Variants in SNAI3 observed in about 807,000 individuals in gnomAD.
SNAI3 encodes snail family transcriptional repressor 3, also known as zinc finger protein SNAI3.
In SNAI3, 21 loss-of-function variants were observed where a neutral mutation model predicts 16.4. That is an observed-to-expected ratio of 1.28 (90% CI 0.91 to 1.85). The LOEUF (loss-of-function observed/expected upper bound fraction) is 1.85, where lower values mean the gene tolerates loss of function less well. SNAI3 is among the 40% of genes most tolerant of loss of function. The probability of loss-of-function intolerance (pLI) is 0.00; values close to 1 mark genes in which losing one functional copy is unlikely to be tolerated. For synonymous variants in SNAI3, 202 were observed against 166.6 expected (o/e 1.21, Z -1.64); for missense variants, 457 against 372.8 (o/e 1.23, Z -1.86).
chr16:88,686,101 G>C, intron 1 of SNAI3: 1 of 560,754 alleles, frequency 1.8e-6, no homozygotes, highest in South Asian at 2.4e-5. Flanking sequence ...TCTCCAAGTT[G>C]GGAGAGAATC....
intron 1 of SNAI3, among the ~76,000 whole-genome samples, chr16:88,682,794 G>C (rs1171672355): frequency 2.9e-5 from 1 of 34,360 alleles, no homozygotes; most frequent in South Asian, 1.1e-3. Flanking sequence ...TTTTTTTTTA[G>C]AGACGGAGTC....
At chr16:88,685,849 G>A (rs1909339450) in intron 1 of SNAI3, 3 of 155,408 alleles carry the variant, frequency 1.9e-5, no homozygotes, top group Admixed American at 1.3e-4. Context: ...GAGCCCATGT[G>A]TCCTTCTCAC....
At chr16:88,682,795 A>G (rs1425378601) in intron 1 of SNAI3, among the ~76,000 whole-genome samples, 1 of 41,438 alleles carries the variant, frequency 2.4e-5, no homozygotes, top group African/African-American at 7.6e-5. Context: ...TTTTTTTTAG[A>G]GACGGAGTCT....
intron 1 of SNAI3, among the ~76,000 whole-genome samples, chr16:88,683,226 G>A (rs1037869952): frequency 1.3e-5 from 2 of 151,530 alleles, no homozygotes; most frequent in African/African-American, 4.9e-5. Flanking sequence ...CCAAGTAGCT[G>A]GGACTACAGG....
chr16:88,681,964 C>T lies in SNAI3; in HGVS notation c.77-250G>A, dbSNP rs1197175060. Among the ~76,000 whole-genome samples the T allele has an allele frequency of 6.6e-6, 1 of 152,138 alleles. No homozygotes were observed. Among genetic ancestry groups the T allele is most frequent in the Non-Finnish European group, 1.5e-5 (1 of 68,036 alleles). ...GCGGTCTAGAGAGCGAATCTCACTT[C>T]CTCTTTAAACACAAAGAAACATCTG... On this transcript the variant is annotated intron_variant, in intron 1 of 2. Coordinates refer to ENST00000332281, the MANE Select transcript of SNAI3 (RefSeq NM_178310.4). The surrounding 1 kb of genome is among the most constrained non-coding windows in gnomAD (Gnocchi z 5.4).
intron 1 of SNAI3, 200 bp downstream of exon 1, chr16:88,686,131 C>T (rs1306321760): frequency 1.7e-6 from 1 of 596,880 alleles, no homozygotes; most frequent in Admixed American, 3.1e-5. Flanking sequence ...CTGCCGGAGG[C>T]GGGGCTCAGT....
intron 2 of SNAI3, among the ~76,000 whole-genome samples, chr16:88,680,183 C>T (rs1367810441): frequency 1.3e-5 from 2 of 151,380 alleles, no homozygotes; most frequent in South Asian, 2.1e-4. Context: ...ATTCTTTGCA[C>T]GCTGAGGTTG....
chr16:88,686,451 G>T lies in SNAI3; in HGVS notation c.-45C>A. ...GGCCGGGGTGGGCTGGGGCGGGAGGGGCGCGCCTGGGTCCGGACTGCTGCG... is the reference window on the plus strand; with the variant it reads ...GGCCGGGGTGGGCTGGGGCGGGAGGTGCGCGCCTGGGTCCGGACTGCTGCG... On this transcript the variant is annotated 5_prime_UTR_variant, in exon 1 of 3. Coordinates refer to ENST00000332281, the MANE Select transcript of SNAI3 (RefSeq NM_178310.4). 6.3e-7 allele frequency: 1 copy of T among 1,593,066 alleles called. No individual in the cohort carries two copies. Among genetic ancestry groups the T allele is most frequent in the Non-Finnish European group, 8.5e-7 (1 of 1,173,914 alleles).
intron 2 of SNAI3, among the ~76,000 whole-genome samples, chr16:88,680,258 A>G (rs1389936562): frequency 2.1e-5 from 3 of 140,650 alleles, no homozygotes; most frequent in African/African-American, 7.8e-5. Context: ...TTGTACTTTA[A>G]TGGCATTATG....
In SNAI3 at chr16:88,678,559, C is replaced by T. The variant is rs1227951286; in HGVS notation, c.768G>A (p.Leu256=). The T allele has an allele frequency of 2.4e-6, 2 of 843,490 alleles. No individual in the cohort carries two copies. Among genetic ancestry groups the T allele is most frequent in the South Asian group, 2.6e-5 (2 of 75,836 alleles). 52.3% of individuals were successfully genotyped at this position (843,490 alleles called of 1,614,324 possible). Residue 256 remains leucine (L), a synonymous_variant, in exon 3 of 3, where the codon CTG becomes CTA. Coordinates refer to ENST00000332281, the MANE Select transcript of SNAI3 (RefSeq NM_178310.4). ...FADRSNLRAH[L]QTHSDAKKYR... ...ACTTCTTGGCGTCTGAGTGCGTTTG[C>T]AGATGGGCCCGAAGGTTGGAGCGGT...
At chr16:88,679,775 A>AAAAAAAG (rs1555545693) in intron 2 of SNAI3, among the ~76,000 whole-genome samples, 15,366 of 106,088 alleles carry the variant, frequency 0.14, 1,175 homozygotes, top group Non-Finnish European at 0.2. Context: ...AAAAAAAAAA[A>AAAAAAAG]AAAAAAAGAA....
rs201975566 is a variant in SNAI3 at position 88,678,431 on chromosome 16, C to T, written c.*17G>A. The T allele has an allele frequency of 1.5e-5, 11 of 756,694 alleles. No individual in the cohort carries two copies. Among genetic ancestry groups the T allele is most frequent in the Admixed American group, 3.4e-5 (2 of 58,092 alleles). 46.9% of individuals were successfully genotyped at this position (756,694 alleles called of 1,614,324 possible). On this transcript the variant is annotated 3_prime_UTR_variant, in exon 3 of 3. Transcript: ENST00000332281. ...CGGTGAGGACCATCCCTCCTACCTGCGCCGACCACGTGCCTCTCAGGGGCC... is the reference window on the plus strand; with the variant it reads ...CGGTGAGGACCATCCCTCCTACCTGTGCCGACCACGTGCCTCTCAGGGGCC...
Position 88,678,282 on chromosome 16 carries a change from G to GA in SNAI3, c.*165_*166insT. 2 of 558,012 alleles carry GA rather than the reference G, an allele frequency of 3.6e-6. No individual in the cohort carries two copies. The highest frequency in any genetic ancestry group is 2.1e-5 in the South Asian group (1 of 47,644). 34.6% of individuals were successfully genotyped at this position (558,012 alleles called of 1,614,324 possible). A position where few individuals can be genotyped will look rare whatever the true frequency, so the allele number is the denominator to read the frequency against. Reference sequence around the variant, plus strand: ...CTGGGGGAGTGTCCTCCGGCCCAGTGGCCCCCGCTGGACTTCTTTGGTTCT... The same window carrying GA: ...CTGGGGGAGTGTCCTCCGGCCCAGTGAGCCCCCGCTGGACTTCTTTGGTTCT... On this transcript the variant is annotated 3_prime_UTR_variant, in exon 3 of 3. Coordinates refer to ENST00000332281, the MANE Select transcript of SNAI3 (RefSeq NM_178310.4).
At chr16:88,686,226 C>A (rs1265919775) in intron 1 of SNAI3, 105 bp downstream of exon 1, 9 of 1,404,894 alleles carry the variant, frequency 6.4e-6, no homozygotes, top group East Asian at 2.6e-5. Flanking sequence ...TCTCCTCCCA[C>A]CTGGGACAGG....
chr16:88,684,518 CAG>C (rs1186367044), intron 1 of SNAI3, among the ~76,000 whole-genome samples: 2 of 152,150 alleles, frequency 1.3e-5, no homozygotes, highest in Non-Finnish European at 2.9e-5. Flanking sequence ...TGTTTTGAGA[CAG>C]AGTCTCGCTC....
intron 1 of SNAI3, among the ~76,000 whole-genome samples, chr16:88,683,586 T>G (rs1264749762): frequency 9.3e-6 from 1 of 107,684 alleles, no homozygotes; most frequent in Non-Finnish European, 1.8e-5. Flanking sequence ...AGCTGGAGTC[T>G]CACTCTTGTC....
chr16:88,682,761 G>GCTTTT (rs1567627587), intron 1 of SNAI3, among the ~76,000 whole-genome samples: 1 of 81,862 alleles, frequency 1.2e-5, no homozygotes, highest in Non-Finnish European at 2.7e-5. Context: ...ATGGGCAAGG[G>GCTTTT]ATTTTTTTTT....
At chr16:88,683,731 A>G (rs1047886618) in intron 1 of SNAI3, among the ~76,000 whole-genome samples, 1 of 151,714 alleles carries the variant, frequency 6.6e-6, no homozygotes. Context: ...TAATTTTTGT[A>G]TGTTTAGTAG....
chr16:88,678,616 A>C lies in SNAI3; in HGVS notation c.711T>G (p.Tyr237Ter). The C allele has an allele frequency of 1.6e-6, 2 of 1,246,842 alleles. No homozygotes were observed. The highest frequency in any genetic ancestry group is 2.4e-6 in the Non-Finnish European group (2 of 849,704). 77.2% of individuals were successfully genotyped at this position (1,246,842 alleles called of 1,614,324 possible). Residue 237 changes from tyrosine to a stop codon, truncating the protein, a stop_gained, in exon 3 of 3, where the codon TAT becomes TAG. Transcript: ENST00000332281. LOFTEE classifies it high-confidence loss of function. ...HVRTHTGEKP[Y>*]ACSHCSRAFA... ...AGGCCCTGCTGCAGTGCGAGCAGGCATAGGGCTTCTCCCCTGTGGGAGGAA... is the reference window on the plus strand; with the variant it reads ...AGGCCCTGCTGCAGTGCGAGCAGGCCTAGGGCTTCTCCCCTGTGGGAGGAA...
Sources: allele counts gnomAD v4.1 joint callset (sites outside exome capture counted in the v4.1 genomes callset), GRCh38; gene constraint gnomAD v4.1.1; non-coding constraint Gnocchi (gnomAD v3.1); transcripts MANE v1.5; gene names NCBI Gene and HGNC (gene_info 2026-07-23, HGNC 2026-07-21).